Variants in LRMDA observed in about 807,000 individuals in gnomAD.
LRMDA encodes leucine-rich melanocyte differentiation-associated protein.
A neutral mutation model predicts 29.8 loss-of-function variants in LRMDA; 18 were observed. That is an observed-to-expected ratio of 0.60 (90% CI 0.42 to 0.90). The LOEUF (loss-of-function observed/expected upper bound fraction) is 0.90. LRMDA is among the 40% of genes least tolerant of loss of function. The pLI is 0.00. For missense variants in LRMDA, 273 were observed against 273.9 expected (o/e 1.00, Z 0.02); for synonymous variants, 125 against 109.4 (o/e 1.14, Z -0.89).
chr10:76,284,626 G>T (rs1021672980), intron 5 of LRMDA, among the ~76,000 whole-genome samples: 2 of 151,840 alleles, frequency 1.3e-5, no homozygotes, highest in Admixed American at 6.6e-5. Context: ...GAAATCTTGG[G>T]TTTTTTTTGT....
At chr10:75,642,528 A>C (rs975529339) in intron 2 of LRMDA, 1 of 152,200 alleles carries the variant, frequency 6.6e-6, no homozygotes, top group Admixed American at 6.5e-5. Context: ...GATCCCCCAA[A>C]TACCCAACTT....
At chr10:76,312,399 C>T (rs1840640304) in intron 5 of LRMDA, among the ~76,000 whole-genome samples, 1 of 152,092 alleles carries the variant, frequency 6.6e-6, no homozygotes, top group African/African-American at 2.4e-5. Flanking sequence ...GCACTGACAG[C>T]AGATCTGGCC....
At chr10:76,083,477 TC>T (rs1219260689) in intron 5 of LRMDA, among the ~76,000 whole-genome samples, 1 of 152,148 alleles carries the variant, frequency 6.6e-6, no homozygotes, top group African/African-American at 2.4e-5. Flanking sequence ...ATGGCAGTCA[TC>T]CCCTGATCTG....
At chr10:75,532,326 T>C (rs1241874508) in intron 2 of LRMDA, among the ~76,000 whole-genome samples, 1 of 152,140 alleles carries the variant, frequency 6.6e-6, no homozygotes, top group African/African-American at 2.4e-5. Flanking sequence ...AGTTTCCATG[T>C]TTTTCTTGTG....
At chr10:75,699,817 T>C (rs747899380) in intron 2 of LRMDA, among the ~76,000 whole-genome samples, 2 of 152,254 alleles carry the variant, frequency 1.3e-5, no homozygotes, top group African/African-American at 2.4e-5. Flanking sequence ...GGGGATTATC[T>C]TGGATTATTC....
intron 6 of LRMDA, among the ~76,000 whole-genome samples, chr10:76,382,858 T>C (rs546101604): frequency 6.6e-6 from 1 of 152,304 alleles, no homozygotes; most frequent in African/African-American, 2.4e-5. Context: ...TCATGAAGCA[T>C]GTACTTGTAC....
intron 4 of LRMDA, 108 bp from the exon 5 acceptor site, chr10:76,058,558 A>T (rs1848652115): frequency 2.2e-6 from 2 of 891,502 alleles, no homozygotes; most frequent in Admixed American, 3.6e-5. Context: ...CCAAGGTCTA[A>T]GTTCCAGAAG....
intron 2 of LRMDA, among the ~76,000 whole-genome samples, chr10:75,555,558 T>C (rs1248883620): frequency 3.3e-5 from 5 of 152,198 alleles, no homozygotes; most frequent in African/African-American, 1.2e-4. Context: ...AACTGAAATA[T>C]GAACTGCTGC....
intron 6 of LRMDA, among the ~76,000 whole-genome samples, chr10:76,504,083 T>C (rs1842937271): frequency 6.6e-6 from 1 of 151,968 alleles, no homozygotes; most frequent in Non-Finnish European, 1.5e-5. Context: ...ATTATTTTGT[T>C]CATGCAAGAG....
At chr10:75,450,341 C>G (rs1176442204) in intron 2 of LRMDA, 1 of 152,174 alleles carries the variant, frequency 6.6e-6, no homozygotes, top group Non-Finnish European at 1.5e-5. Context: ...CTCTGCACCA[C>G]CTCCCCTAAG....
intron 2 of LRMDA, among the ~76,000 whole-genome samples, chr10:75,655,754 CTGAAAGGTT>C (rs1175285249): frequency 6.6e-6 from 1 of 152,172 alleles, no homozygotes; most frequent in Non-Finnish European, 1.5e-5. Context: ...TTCCCCTGCC[CTGAAAGGTT>C]TGGGCCTCGC....
rs1444129569 is a variant in LRMDA, at chr10:76,237,240, T to A, written c.517-87161T>A. On this transcript the variant is annotated intron_variant, in intron 5 of 6. Coordinates refer to ENST00000611255, the MANE Select transcript of LRMDA (RefSeq NM_001305581.2). ...ATGTTAAGTTCCCCATAAACATTAC[T>A]GAAAATAAAACTATATTTTTATATA... Among the ~76,000 whole-genome samples, 5 of 152,170 alleles carry A rather than the reference T, an allele frequency of 3.3e-5. 1 individual carries two copies.
At chr10:75,570,921 A>G (rs1840430122) in intron 2 of LRMDA, among the ~76,000 whole-genome samples, 1 of 152,194 alleles carries the variant, frequency 6.6e-6, no homozygotes, top group South Asian at 2.1e-4. Flanking sequence ...CCAGTCATTT[A>G]TACAACCTCC....
In LRMDA at chr10:76,261,064, C is replaced by CTTTTTTTTTTT. The variant is rs58554883; in HGVS notation, c.517-63329_517-63319dup. Among the ~76,000 whole-genome samples the CTTTTTTTTTTT allele has an allele frequency of 1.4e-4, 17 of 117,732 alleles. 1 individual carries two copies. The highest frequency in any genetic ancestry group is 2.2e-4 in the Non-Finnish European group (13 of 59,706). 77.2% of individuals were successfully genotyped at this position (117,732 alleles called of 152,430 possible). ...GATTGACTTGCGTTTCTTTTCTTTT[C>CTTTTTTTTTTT]TTTTTTTTTTTTTTTTTTGAGACGG... On this transcript the variant is annotated intron_variant, in intron 5 of 6. Transcript: ENST00000611255.
At position 75,578,149 on chromosome 10, in the gene LRMDA, A is replaced by G. The variant is rs549841506; in HGVS notation, c.131+139655A>G. ...GTGCTGTATTCAGGAGACCCATCTC[A>G]TGTGCAAAGACACACAGAGGCTCAA... is the stretch of plus-strand genomic sequence containing the variant. On this transcript the variant is annotated intron_variant, in intron 2 of 6. Coordinates refer to ENST00000611255, the MANE Select transcript of LRMDA (RefSeq NM_001305581.2). Among the ~76,000 whole-genome samples the G allele has an allele frequency of 2.2e-4, 32 of 148,314 alleles. 3 individuals are homozygous for G. In the South Asian group the frequency reaches 4.7e-3, roughly 22 times the overall value.
At chr10:76,024,279 C>A (rs960804138) in intron 2 of LRMDA, among the ~76,000 whole-genome samples, 2 of 152,186 alleles carry the variant, frequency 1.3e-5, no homozygotes, top group Non-Finnish European at 1.5e-5. Context: ...GGGAAAAACT[C>A]TTTTTCTCTA....
At chr10:76,327,145 G>A (rs1259558727) in intron 6 of LRMDA, among the ~76,000 whole-genome samples, 1 of 147,598 alleles carries the variant, frequency 6.8e-6, no homozygotes, top group East Asian at 2.0e-4. Flanking sequence ...AGGCTGGAGT[G>A]CAATGGCACA....
At chr10:75,586,679 T>A (rs1840660511) in intron 2 of LRMDA, among the ~76,000 whole-genome samples, 1 of 152,118 alleles carries the variant, frequency 6.6e-6, no homozygotes, top group South Asian at 2.1e-4. Flanking sequence ...CTGACAGGTA[T>A]GAGGTGATAA....
At chr10:75,763,842 G>A (rs754693288) in intron 2 of LRMDA, among the ~76,000 whole-genome samples, 1 of 152,032 alleles carries the variant, frequency 6.6e-6, no homozygotes, top group Non-Finnish European at 1.5e-5. Context: ...CATGCTTAGC[G>A]GAATGACCTT....
Sources: allele counts gnomAD v4.1 joint callset (sites outside exome capture counted in the v4.1 genomes callset), GRCh38; gene constraint gnomAD v4.1.1; transcripts MANE v1.5; gene names NCBI Gene and HGNC (gene_info 2026-07-23, HGNC 2026-07-21).